The following NOC4L variants were observed in gnomAD, a reference collection of about 807,000 sequenced individuals.
The protein encoded by NOC4L is nucleolar complex protein 4 homolog.
NOC4L carries 40 observed loss-of-function variants against 62.8 expected under a neutral mutation model. The observed-to-expected ratio is 0.64, with a 90% CI of 0.49 to 0.83. The LOEUF is 0.83. NOC4L is among the 40% of genes least tolerant of loss of function. The pLI is 0.00. For missense variants in NOC4L, 927 were observed against 701.9 expected (o/e 1.32, Z -3.62); for synonymous variants, 433 against 299.8 (o/e 1.44, Z -4.59).
intron 3 of NOC4L, chr12:132,146,433 C>T (rs1426552357): frequency 4.5e-6 from 2 of 440,484 alleles, no homozygotes; most frequent in Admixed American, 4.7e-5. Flanking sequence ...TGAACGTTCG[C>T]GTACAAACTC....
At chr12:132,146,212 C>G (rs1030444041) in intron 3 of NOC4L, 1 of 455,318 alleles carries the variant, frequency 2.2e-6, no homozygotes, top group African/African-American at 2.0e-5. Context: ...GTGGTTACTT[C>G]CTGGATCAAT....
Position 132,148,606 on chromosome 12 carries a change from C to T in NOC4L, c.739-3C>T, listed in dbSNP as rs1338840174. On this transcript the variant is annotated splice_region_variant and splice_polypyrimidine_tract_variant and intron_variant, in intron 7 of 14. Transcript: ENST00000330579. The stretch of plus-strand genomic sequence containing the variant: ...GGCGAGTGCAGTCTGGACCCCGTTG[C>T]AGGAGCACAGGAGGGTTTTCCAGGC... 3 of 1,547,690 alleles carry T rather than the reference C, an allele frequency of 1.9e-6. No individual in the cohort carries two copies. The highest frequency in any genetic ancestry group is 4.0e-5 in the Admixed American group (2 of 50,468).
Position 132,152,132 on chromosome 12 carries a change from A to G in NOC4L, c.1366A>G (p.Ile456Val). 1 of 1,612,126 alleles carries G rather than the reference A, an allele frequency of 6.2e-7. No homozygotes were observed. The highest frequency in any genetic ancestry group is 8.5e-7 in the Non-Finnish European group (1 of 1,179,690). The change falls in exon 14 of 15, where the codon ATC (isoleucine) becomes GTC (valine). Residue 456 changes from isoleucine to valine, a missense_variant. By Grantham distance (29) the Ile-to-Val change is conservative (BLOSUM62 3). Coordinates refer to ENST00000330579, the MANE Select transcript of NOC4L (RefSeq NM_024078.3). ...HPEVSKAASV[I>V]NQALSMPEVS... ...TGAGGTGTCCAAAGCCGCCAGCGTC[A>G]TCAACCAGGCCCTGTCCATGCCTGA... is the stretch of plus-strand genomic sequence containing the variant.
chr12:132,145,289 GT>G (rs1275896171), intron 2 of NOC4L, among the ~76,000 whole-genome samples: 3 of 152,216 alleles, frequency 2.0e-5, no homozygotes, highest in Non-Finnish European at 4.4e-5. Flanking sequence ...TCCTGGGGAC[GT>G]CAGGTCTTGG....
rs1038032636 is a variant in NOC4L at position 132,147,865 on chromosome 12, G to A, written c.604-15G>A. On this transcript the variant is annotated splice_polypyrimidine_tract_variant and intron_variant, in intron 5 of 14. Coordinates refer to ENST00000330579, the MANE Select transcript of NOC4L (RefSeq NM_024078.3). ...CTGGGGGGCGGCGTCCAGGCACTCA[G>A]GCCAGGCTCCGCAGGTGCCCCCCGC... 1.2e-6 allele frequency: 2 copies of A among 1,609,728 alleles called. No individual in the cohort carries two copies. Among genetic ancestry groups the A allele is most frequent in the Non-Finnish European group, 1.7e-6 (2 of 1,179,676 alleles).
At chr12:132,146,235 T>C (rs1340273022) in intron 3 of NOC4L, 2 of 455,848 alleles carry the variant, frequency 4.4e-6, no homozygotes, top group African/African-American at 2.0e-5. Context: ...GTTTGCTTTT[T>C]TTAGACGCTC....
At chr12:132,151,071 T>C (rs1476508344) in intron 10 of NOC4L, 30 bp downstream of exon 10, 1 of 1,591,858 alleles carries the variant, frequency 6.3e-7, no homozygotes, top group South Asian at 1.1e-5. Context: ...CAGGTCTTCT[T>C]CCCAGTCTGC....
intron 9 of NOC4L, 56 bp from the exon 10 acceptor site, chr12:132,150,925 G>C: frequency 7.7e-6 from 10 of 1,302,440 alleles, no homozygotes; most frequent in Admixed American, 3.6e-5. Flanking sequence ...GTGTGGGCAG[G>C]GGGTAGGGTG....
At chr12:132,148,539 G>A (rs991518671) in intron 7 of NOC4L, 70 bp from the exon 8 acceptor site, 1 of 1,519,454 alleles carries the variant, frequency 6.6e-7, no homozygotes, top group Non-Finnish European at 8.9e-7. Flanking sequence ...GCTTCGGGGT[G>A]CCCTGGCAGC....
At chr12:132,151,895 C>A in intron 13 of NOC4L, 75 bp downstream of exon 13, 1 of 1,440,592 alleles carries the variant, frequency 6.9e-7, no homozygotes. Flanking sequence ...GCTCCCCGTG[C>A]CACCTCCCGC....
intron 4 of NOC4L, 40 bp from the exon 5 acceptor site, chr12:132,147,593 G>C (rs1897771300): frequency 6.2e-7 from 1 of 1,604,362 alleles, no homozygotes; most frequent in African/African-American, 1.3e-5. Context: ...GCTGGCGTAT[G>C]CTGGGCCGGG....
chr12:132,148,439 A>T (rs1277373781), intron 7 of NOC4L, among the ~76,000 whole-genome samples, 170 bp from the exon 8 acceptor site: 1 of 152,166 alleles, frequency 6.6e-6, no homozygotes, highest in African/African-American at 2.4e-5. Context: ...TCCAGCCTCG[A>T]GGGCAAGGCG....
intron 1 of NOC4L, 95 bp from the exon 2 acceptor site, chr12:132,144,759 C>T: frequency 6.7e-7 from 1 of 1,486,944 alleles, no homozygotes; most frequent in Non-Finnish European, 9.0e-7. Flanking sequence ...ACGGGGCTGG[C>T]GTCCCGAGGG....
rs768704983 is a variant in NOC4L, at chr12:132,152,070, C to T, written c.1318-14C>T. On this transcript the variant is annotated splice_polypyrimidine_tract_variant and intron_variant, in intron 13 of 14. Transcript: ENST00000330579. ...GCCTGGGGCAGCTGCCTCTTAACGG[C>T]CCTACTGCCCCAGGCCCTCCAGCGC... is the stretch of plus-strand genomic sequence containing the variant. The T allele has an allele frequency of 1.1e-5, 17 of 1,597,558 alleles. No individual in the cohort carries two copies. Among genetic ancestry groups the T allele is most frequent in the South Asian group, 8.9e-5 (8 of 90,088 alleles).
At chr12:132,145,822 A>G (rs528042213) in intron 3 of NOC4L, among the ~76,000 whole-genome samples, 157 bp downstream of exon 3, 1 of 152,308 alleles carries the variant, frequency 6.6e-6, no homozygotes, top group Admixed American at 6.5e-5. Flanking sequence ...ATTCAGAAAC[A>G]TGGCTATCGA....
intron 9 of NOC4L, 174 bp from the exon 10 acceptor site, chr12:132,150,807 C>T (rs1015397654): frequency 8.1e-6 from 5 of 615,820 alleles, no homozygotes; most frequent in South Asian, 1.9e-5. Context: ...ATCCCACTGC[C>T]TCCACCCCCC....
chr12:132,149,093 C>A (rs61942926), intron 9 of NOC4L, among the ~76,000 whole-genome samples, 198 bp downstream of exon 9: 73 of 8,560 alleles, frequency 8.5e-3, no homozygotes, highest in Non-Finnish European at 0.023. Flanking sequence ...CGCCTCACTC[C>A]TACCACACCC....
At chr12:132,148,443 C>G (rs1355581237) in intron 7 of NOC4L, among the ~76,000 whole-genome samples, 166 bp from the exon 8 acceptor site, 1 of 152,170 alleles carries the variant, frequency 6.6e-6, no homozygotes, top group South Asian at 2.1e-4. Flanking sequence ...GCCTCGAGGG[C>G]AAGGCGTACC....
chr12:132,150,817 C>G (rs1053119632), intron 9 of NOC4L, 164 bp from the exon 10 acceptor site: 4 of 626,136 alleles, frequency 6.4e-6, no homozygotes, highest in Admixed American at 2.7e-5. Context: ...CTCCACCCCC[C>G]ACTCCCCTGC....
Sources: gnomAD v4.1 joint callset for allele counts (sites outside exome capture counted in the v4.1 genomes callset) on GRCh38, gnomAD v4.1.1 for gene constraint, MANE v1.5 for transcripts, NCBI Gene and HGNC (gene_info 2026-07-23, HGNC 2026-07-21) for gene names.